RUNX1: variants seen among roughly 807,000 people sequenced by gnomAD.
RUNX1 encodes runt-related transcription factor 1.
RUNX1 carries 19 observed loss-of-function variants against 42.8 expected under a neutral mutation model. The observed-to-expected ratio is 0.44, with a 90% CI of 0.31 to 0.65. The LOEUF is 0.65. Ranked by LOEUF, RUNX1 falls within the 30% of genes least tolerant of loss-of-function variation. RUNX1 has a pLI of 0.07. For missense variants in RUNX1, 528 were observed against 672.0 expected (o/e 0.79, Z 2.37); for synonymous variants, 271 against 289.4 (o/e 0.94, Z 0.64).
intron 2 of RUNX1, among the ~76,000 whole-genome samples, chr21:35,016,008 T>C (rs1433989061): frequency 6.6e-6 from 1 of 152,210 alleles, no homozygotes; most frequent in African/African-American, 2.4e-5. Context: ...TATGATAGTA[T>C]ACTTGATACA....
chr21:34,855,986 T>C (rs1343348039), intron 6 of RUNX1, among the ~76,000 whole-genome samples: 1 of 152,180 alleles, frequency 6.6e-6, no homozygotes, highest in African/African-American at 2.4e-5. Flanking sequence ...TAAAATCCTA[T>C]GGAATATGAG....
At chr21:34,993,851 A>G (rs2058972902) in intron 2 of RUNX1, among the ~76,000 whole-genome samples, 2 of 152,192 alleles carry the variant, frequency 1.3e-5, no homozygotes, top group African/African-American at 2.4e-5. Context: ...ACACACACAC[A>G]CGGGTATGTG....
At chr21:34,978,826 T>C (rs1234673982) in intron 2 of RUNX1, among the ~76,000 whole-genome samples, 2 of 152,130 alleles carry the variant, frequency 1.3e-5, no homozygotes, top group African/African-American at 4.8e-5. Context: ...AGGCTTCTTT[T>C]TCTGATACTG....
intron 2 of RUNX1, among the ~76,000 whole-genome samples, chr21:34,943,809 A>G (rs940438960): frequency 6.6e-6 from 1 of 152,206 alleles, no homozygotes; most frequent in East Asian, 1.9e-4. Flanking sequence ...TCCTACACAA[A>G]TGTTGAGCTA....
At chr21:34,934,270 A>AT (rs1182281161) in intron 2 of RUNX1, among the ~76,000 whole-genome samples, 3 of 150,356 alleles carry the variant, frequency 2.0e-5, no homozygotes, top group East Asian at 1.9e-4. Context: ...TTTTTTTTTA[A>AT]TTTTTTTTTA....
At chr21:34,864,846 G>A (rs2057634246) in intron 5 of RUNX1, among the ~76,000 whole-genome samples, 1 of 152,180 alleles carries the variant, frequency 6.6e-6, no homozygotes, top group Non-Finnish European at 1.5e-5. Flanking sequence ...GGGCAGATGA[G>A]GTTTGTCTTG....
chr21:34,999,250 G>A (rs181592351), intron 2 of RUNX1, among the ~76,000 whole-genome samples: 48 of 152,334 alleles, frequency 3.2e-4, no homozygotes, highest in Admixed American at 2.4e-3. Context: ...ATGGGAGGCC[G>A]TGGCTCCAGG....
At chr21:34,944,010 C>G (rs942608611) in intron 2 of RUNX1, among the ~76,000 whole-genome samples, 1 of 151,752 alleles carries the variant, frequency 6.6e-6, no homozygotes, top group South Asian at 2.1e-4. Flanking sequence ...GCCCTCAAGA[C>G]TTTTTTTTAC....
intron 6 of RUNX1, among the ~76,000 whole-genome samples, chr21:34,840,619 C>T (rs1037768568): frequency 0.025 from 8 of 324 alleles, no homozygotes; most frequent in Admixed American, 0.075. Context: ...CAGGCAGACA[C>T]CTGGCTGCGG....
intron 2 of RUNX1, among the ~76,000 whole-genome samples, chr21:34,931,526 TA>T (rs1434875005): frequency 6.8e-6 from 1 of 147,308 alleles, no homozygotes; most frequent in Non-Finnish European, 1.5e-5. Flanking sequence ...TTACATTATA[TA>T]TACACGTATA....
chr21:34,823,162 C>T (rs1053614284), intron 7 of RUNX1, among the ~76,000 whole-genome samples: 1 of 152,226 alleles, frequency 6.6e-6, no homozygotes, highest in African/African-American at 2.4e-5. Context: ...GCTCCTGATA[C>T]TCAAGTTAGC....
chr21:34,835,562 A>G (rs1322714888), intron 6 of RUNX1, among the ~76,000 whole-genome samples: 1 of 152,186 alleles, frequency 6.6e-6, no homozygotes, highest in Non-Finnish European at 1.5e-5. Flanking sequence ...GGTTTTCTCA[A>G]AATGTCCTTA....
chr21:34,897,974 A>G (rs2058143900), intron 2 of RUNX1, among the ~76,000 whole-genome samples: 1 of 152,228 alleles, frequency 6.6e-6, no homozygotes, highest in African/African-American at 2.4e-5. Context: ...ACAGGAGACC[A>G]TTACAAACAC....
intron 2 of RUNX1, among the ~76,000 whole-genome samples, chr21:35,025,229 C>A (rs755153971): frequency 2.0e-5 from 3 of 152,204 alleles, no homozygotes; most frequent in Non-Finnish European, 4.4e-5. Context: ...TTGTTTATGA[C>A]AGTTTATAAA....
At position 34,792,312 on chromosome 21, in the gene RUNX1, CT is replaced by C; in HGVS notation, c.1265del (p.Glu422GlyfsTer172). On this transcript the variant is annotated frameshift_variant, in exon 9 of 9. Transcript: ENST00000675419. LOFTEE classifies it high-confidence loss of function. The surrounding 1 kb of genome is among the most constrained non-coding windows in gnomAD (Gnocchi z 6.9). ...GCGGCAGGATGCGCGGCGGCGAGCGCTCGCCGCCCACCATGGAGAACTGGTA... is the reference window on the plus strand; with the variant it reads ...GCGGCAGGATGCGCGGCGGCGAGCGCCGCCGCCCACCATGGAGAACTGGTA... ...GSYQFSMVGG[E>X]RSPPRILPPC... is the part of the protein sequence containing the mutation. 5.2e-6 allele frequency: 8 copies of C among 1,539,428 alleles called. No individual in the cohort carries two copies. The highest frequency in any genetic ancestry group is 1.2e-5 in the South Asian group (1 of 84,100).
intron 8 of RUNX1, among the ~76,000 whole-genome samples, chr21:34,793,808 A>C (rs912472658): frequency 1.3e-5 from 2 of 151,890 alleles, no homozygotes; most frequent in Admixed American, 1.3e-4. Context: ...GGCTCAAGCA[A>C]TTCTACTGCC....
intron 3 of RUNX1, among the ~76,000 whole-genome samples, chr21:34,892,502 G>A (rs1288316791): frequency 6.6e-6 from 1 of 152,158 alleles, no homozygotes; most frequent in East Asian, 1.9e-4. Flanking sequence ...CAAGTAGCAA[G>A]CTGAGGACAT....
chr21:34,869,029 C>T (rs748362609), intron 5 of RUNX1, among the ~76,000 whole-genome samples: 1 of 152,078 alleles, frequency 6.6e-6, no homozygotes, highest in Non-Finnish European at 1.5e-5. Flanking sequence ...TATGGAATGC[C>T]TGCTGTTATC....
At chr21:35,043,200 TCCCTTTTTA>T (rs1241303868) in intron 2 of RUNX1, among the ~76,000 whole-genome samples, 1 of 152,164 alleles carries the variant, frequency 6.6e-6, no homozygotes, top group African/African-American at 2.4e-5. Flanking sequence ...AAGGAAATGC[TCCCTTTTTA>T]CCACTCCAGG....
Sources: gnomAD v4.1 joint callset for allele counts (sites outside exome capture counted in the v4.1 genomes callset) on GRCh38, gnomAD v4.1.1 for gene constraint, Gnocchi (gnomAD v3.1) non-coding constraint, MANE v1.5 for transcripts, NCBI Gene and HGNC (gene_info 2026-07-23, HGNC 2026-07-21) for gene names.